Variants in PRKG1 observed in about 807,000 individuals in gnomAD.
The protein encoded by PRKG1 is protein kinase cGMP-dependent 1.
Under a neutral mutation model 88.1 loss-of-function variants are expected in PRKG1, and 35 were observed. The ratio of observed to expected loss-of-function variants is 0.40; its 90% CI spans 0.30 to 0.53. PRKG1 has a LOEUF of 0.53. Among genes scored for constraint, PRKG1 ranks in the 20% least tolerant of loss-of-function variants. The probability of loss-of-function intolerance (pLI) is 0.59; values close to 1 mark genes in which losing one functional copy is unlikely to be tolerated. For missense variants in PRKG1, 540 were observed against 839.8 expected, an observed-to-expected ratio of 0.64 and a Z score of 4.41; for synonymous variants, 303 against 292.5, an observed-to-expected ratio of 1.04 and a Z score of -0.37.
chr10:52,136,909 G>A (rs1286372422), intron 8 of PRKG1, among the ~76,000 whole-genome samples: 1 of 151,980 alleles, frequency 6.6e-6, no homozygotes, highest in East Asian at 1.9e-4. Flanking sequence ...TTGAGTCTAA[G>A]AATTCAAAAA....
chr10:51,695,327 A>G (rs1841260112), intron 3 of PRKG1, among the ~76,000 whole-genome samples: 1 of 152,236 alleles, frequency 6.6e-6, no homozygotes, highest in Non-Finnish European at 1.5e-5. Context: ...CTGTCAAACT[A>G]TATAGATAAT....
intron 2 of PRKG1, among the ~76,000 whole-genome samples, chr10:51,363,023 G>A (rs1035659276): frequency 1.3e-5 from 2 of 151,892 alleles, no homozygotes; most frequent in African/African-American, 4.8e-5. Context: ...ATTACCTGTA[G>A]TGCCTTTTCA....
intron 3 of PRKG1, among the ~76,000 whole-genome samples, chr10:51,683,448 A>G (rs968585966): frequency 6.6e-6 from 1 of 152,266 alleles, no homozygotes; most frequent in Non-Finnish European, 1.5e-5. Flanking sequence ...CTCATTGCCC[A>G]ATGCACATAG....
At chr10:51,201,646 T>C (rs1016128009) in intron 2 of PRKG1, among the ~76,000 whole-genome samples, 2 of 152,160 alleles carry the variant, frequency 1.3e-5, no homozygotes, top group African/African-American at 2.4e-5. Context: ...TGAGAGCTAA[T>C]TGGGTCATGG....
At chr10:51,311,417 G>T (rs532412519) in intron 2 of PRKG1, among the ~76,000 whole-genome samples, 2 of 152,306 alleles carry the variant, frequency 1.3e-5, no homozygotes, top group South Asian at 2.1e-4. Context: ...TAGATGGTGT[G>T]TTCAGTTACA....
chr10:51,264,108 A>G (rs1839782420), intron 2 of PRKG1, among the ~76,000 whole-genome samples: 1 of 152,206 alleles, frequency 6.6e-6, no homozygotes, highest in Admixed American at 6.5e-5. Flanking sequence ...AAAGACGAAT[A>G]TTATCAATGA....
At chr10:52,022,992 G>A (rs897350714) in intron 5 of PRKG1, among the ~76,000 whole-genome samples, 4 of 151,966 alleles carry the variant, frequency 2.6e-5, no homozygotes, top group African/African-American at 4.8e-5. Flanking sequence ...AGGTATACAC[G>A]TGCCAAGGTG....
intron 5 of PRKG1, among the ~76,000 whole-genome samples, chr10:52,050,205 C>A (rs1845957535): frequency 1.3e-5 from 2 of 151,904 alleles, no homozygotes; most frequent in Admixed American, 6.6e-5. Context: ...GTCAAGGAAC[C>A]AATCTCAGAA....
intron 5 of PRKG1, among the ~76,000 whole-genome samples, chr10:52,042,918 T>A (rs1845783967): frequency 1.3e-5 from 2 of 151,996 alleles, no homozygotes; most frequent in African/African-American, 4.8e-5. Flanking sequence ...GGGCTAAAGA[T>A]CTAAATAGTC....
intron 3 of PRKG1, among the ~76,000 whole-genome samples, chr10:51,795,276 T>C (rs1042392278): frequency 6.6e-6 from 1 of 152,136 alleles, no homozygotes; most frequent in African/African-American, 2.4e-5. Flanking sequence ...CCTTCCAATG[T>C]ATGAATATGG....
At chr10:51,321,767 T>G (rs867377088) in intron 2 of PRKG1, among the ~76,000 whole-genome samples, 3 of 152,314 alleles carry the variant, frequency 2.0e-5, no homozygotes, top group South Asian at 4.1e-4. Flanking sequence ...ATATTTGGAT[T>G]GCTTGAAACA....
At chr10:52,083,048 T>C (rs1157163814) in intron 7 of PRKG1, among the ~76,000 whole-genome samples, 1 of 152,044 alleles carries the variant, frequency 6.6e-6, no homozygotes, top group Non-Finnish European at 1.5e-5. Context: ...GGTGAGGGGA[T>C]ATGGAAGAAA....
chr10:51,450,708 A>T (rs1400228513), intron 2 of PRKG1, among the ~76,000 whole-genome samples: 19 of 151,930 alleles, frequency 1.3e-4, no homozygotes, highest in Admixed American at 1.2e-3. Context: ...TTTTTGGCAG[A>T]GTTTTATCCA....
At chr10:51,555,017 G>A (rs1415618254) in intron 3 of PRKG1, among the ~76,000 whole-genome samples, 2 of 151,928 alleles carry the variant, frequency 1.3e-5, no homozygotes, top group African/African-American at 2.4e-5. Flanking sequence ...AAAGGTGTTT[G>A]TTAAGGTTCA....
chr10:52,120,821 C>T (rs1416547373), intron 7 of PRKG1, among the ~76,000 whole-genome samples: 1 of 152,054 alleles, frequency 6.6e-6, no homozygotes, highest in Non-Finnish European at 1.5e-5. Flanking sequence ...ACGGTTATGG[C>T]GTCACAGATG....
At chr10:51,902,491 T>C (rs568117361) in intron 4 of PRKG1, among the ~76,000 whole-genome samples, 1 of 152,316 alleles carries the variant, frequency 6.6e-6, no homozygotes, top group South Asian at 2.1e-4. Flanking sequence ...ATTTTAAATG[T>C]TATAAATGTT....
chr10:51,797,477 TTTA>T (rs1413239436), intron 3 of PRKG1, among the ~76,000 whole-genome samples: 1 of 146,314 alleles, frequency 6.8e-6, no homozygotes, highest in African/African-American at 2.5e-5. Context: ...CAGATTATAA[TTTA>T]TTATATCATT....
intron 2 of PRKG1, among the ~76,000 whole-genome samples, chr10:51,160,319 A>G (rs968887415): frequency 2.0e-5 from 3 of 152,098 alleles, no homozygotes; most frequent in Non-Finnish European, 4.4e-5. Context: ...ATTTATTGAT[A>G]CTTTCTGCTA....
At chr10:51,129,977 A>G (rs1845523928) in intron 1 of PRKG1, among the ~76,000 whole-genome samples, 1 of 152,132 alleles carries the variant, frequency 6.6e-6, no homozygotes, top group Admixed American at 6.6e-5. Context: ...ATTGGGTGCA[A>G]ACAGGGAAGA....
Sources: allele counts gnomAD v4.1 joint callset (sites outside exome capture counted in the v4.1 genomes callset), GRCh38; gene constraint gnomAD v4.1.1; transcripts MANE v1.5; gene names NCBI Gene and HGNC (gene_info 2026-07-23, HGNC 2026-07-21).